NMNAT3: variants seen among roughly 807,000 people sequenced by gnomAD.
The protein encoded by NMNAT3 is nicotinamide/nicotinic acid mononucleotide adenylyltransferase 3.
In NMNAT3, 21 loss-of-function variants were observed where a neutral mutation model predicts 24.8. The ratio of observed to expected loss-of-function variants is 0.85; its 90% CI spans 0.60 to 1.22. NMNAT3 has a LOEUF of 1.22. Among genes scored for constraint, NMNAT3 ranks in the 50% most tolerant of loss-of-function variants. The pLI, the probability that NMNAT3 is intolerant of heterozygous loss-of-function variation, is 0.00. For missense variants in NMNAT3, 387 were observed against 436.6 expected (o/e 0.89, Z 1.01); for synonymous variants, 136 against 155.2 (o/e 0.88, Z 0.92).
At chr3:139,675,859 GAGA>G (rs2057912824) in intron 1 of NMNAT3, among the ~76,000 whole-genome samples, 2 of 152,288 alleles carry the variant, frequency 1.3e-5, no homozygotes, top group South Asian at 2.1e-4. Context: ...GTTCATTCAG[GAGA>G]AGGAGAGGGT....
At chr3:139,574,799 A>G (rs1398181208) in intron 5 of NMNAT3, among the ~76,000 whole-genome samples, 4 of 152,204 alleles carry the variant, frequency 2.6e-5, no homozygotes, top group African/African-American at 9.7e-5. Context: ...AAGATCATGA[A>G]TGAAAAATTG....
intron 5 of NMNAT3, among the ~76,000 whole-genome samples, 188 bp from the exon 6 acceptor site, chr3:139,573,868 A>T (rs1011624761): frequency 6.6e-6 from 1 of 152,192 alleles, no homozygotes; most frequent in Non-Finnish European, 1.5e-5. Flanking sequence ...GTGGGTCTTC[A>T]TGGAGAGTCC....
In NMNAT3 at chr3:139,591,712, G is replaced by C. The variant is rs1165992845; in HGVS notation, c.110-8504C>G. On this transcript the variant is annotated intron_variant, in intron 3 of 6. Transcript: ENST00000643695. ...AGGCACCCCCCAGCAGGGGCAGACT[G>C]ACACCTCACAAGGCCGGGTACTCCA... Among the ~76,000 whole-genome samples the C allele has an allele frequency of 1.5e-4, 23 of 152,340 alleles. No individual in the cohort carries two copies. In the East Asian group the frequency reaches 3.7e-3, roughly 24 times the overall value.
chr3:139,660,109 C>T (rs2057367698), intron 1 of NMNAT3, among the ~76,000 whole-genome samples: 1 of 152,194 alleles, frequency 6.6e-6, no homozygotes, highest in Non-Finnish European at 1.5e-5. Flanking sequence ...CCACTCCAGC[C>T]AGTGTCAACT....
chr3:139,666,790 T>C (rs2108443729), intron 1 of NMNAT3, among the ~76,000 whole-genome samples: 1 of 152,302 alleles, frequency 6.6e-6, no homozygotes, highest in East Asian at 1.9e-4. Flanking sequence ...TACTCAACCT[T>C]CATGAGATCA....
intron 3 of NMNAT3, among the ~76,000 whole-genome samples, chr3:139,614,654 TG>T (rs1417183268): frequency 2.0e-5 from 3 of 152,254 alleles, no homozygotes; most frequent in Non-Finnish European, 4.4e-5. Context: ...GCACAGAAGT[TG>T]GGGTGGACCC....
rs143939857 is a variant in NMNAT3, at chr3:139,647,846, T to C, written c.-140-9784A>G. The stretch of plus-strand genomic sequence containing the variant: ...AAAATAAATTTCCTTTGTTTTAAAC[T>C]ACCAAGTTTATGGTAATTTGTTACA... On this transcript the variant is annotated intron_variant, in intron 1 of 6. Transcript: ENST00000643695. 2.0e-3 allele frequency among the ~76,000 whole-genome samples: 304 copies of C among 151,644 alleles called. 2 individuals carry two copies. The highest frequency in any genetic ancestry group is 6.7e-3 in the African/African-American group (278 of 41,578).
intron 3 of NMNAT3, among the ~76,000 whole-genome samples, chr3:139,614,690 T>C (rs1456713069): frequency 6.6e-6 from 1 of 152,228 alleles, no homozygotes; most frequent in African/African-American, 2.4e-5. Context: ...TATCACAACA[T>C]ACATGAGGTC....
intron 1 of NMNAT3, among the ~76,000 whole-genome samples, chr3:139,667,423 G>A (rs775876543): frequency 1.1e-4 from 16 of 151,972 alleles, no homozygotes; most frequent in African/African-American, 1.7e-4. Context: ...AATGTCCTTC[G>A]GATCATTTGC....
At chr3:139,672,820 C>T (rs2057802310) in intron 1 of NMNAT3, 1 of 152,210 alleles carries the variant, frequency 6.6e-6, no homozygotes. Context: ...TGGATCACAT[C>T]TTATTTTGAA....
At chr3:139,665,875 C>T (rs958500840) in intron 1 of NMNAT3, among the ~76,000 whole-genome samples, 2 of 151,692 alleles carry the variant, frequency 1.3e-5, no homozygotes, top group South Asian at 4.2e-4. Context: ...ATCAAAATAT[C>T]TATAAACTCT....
intron 1 of NMNAT3, among the ~76,000 whole-genome samples, chr3:139,668,141 T>G (rs891558581): frequency 1.3e-5 from 2 of 151,972 alleles, no homozygotes; most frequent in Non-Finnish European, 2.9e-5. Flanking sequence ...AGGGAGCAGG[T>G]AGAGAAGTCA....
At position 139,561,006 on chromosome 3, in the gene NMNAT3, C is replaced by CT; in HGVS notation, c.*3dup. The CT allele has an allele frequency of 6.2e-7, 1 of 1,606,874 alleles. No individual in the cohort carries two copies. The highest frequency in any genetic ancestry group is 8.5e-7 in the Non-Finnish European group (1 of 1,175,464). On this transcript the variant is annotated 3_prime_UTR_variant, in exon 7 of 7. Transcript: ENST00000643695. ...AGGAGGTGTGGGTGCTGAGTCCCCC[C>CT]TCCCTAGCTTGTCTTGCCCTCAGTG...
chr3:139,652,497 C>A (rs546679484), intron 1 of NMNAT3, among the ~76,000 whole-genome samples: 1 of 152,106 alleles, frequency 6.6e-6, no homozygotes, highest in East Asian at 1.9e-4. Context: ...AGATTCGACC[C>A]CACCCTGCCA....
At chr3:139,572,335 G>A (rs897765520) in intron 6 of NMNAT3, 10 of 396,820 alleles carry the variant, frequency 2.5e-5, no homozygotes, top group East Asian at 1.8e-4. Context: ...TGCAGGTAAC[G>A]GAGAGGACAG....
At chr3:139,571,351 C>G (rs936925114) in intron 6 of NMNAT3, 2 of 152,226 alleles carry the variant, frequency 1.3e-5, no homozygotes, top group Non-Finnish European at 2.9e-5. Flanking sequence ...GCTGCTTCCA[C>G]TGTCCTGCAC....
intron 1 of NMNAT3, among the ~76,000 whole-genome samples, chr3:139,658,158 G>T (rs907768594): frequency 6.6e-6 from 1 of 152,042 alleles, no homozygotes; most frequent in Admixed American, 6.6e-5. Flanking sequence ...GTATTTGCAG[G>T]CCACATCTAA....
chr3:139,635,649 G>A (rs1010202302), intron 2 of NMNAT3: 4 of 152,170 alleles, frequency 2.6e-5, no homozygotes, highest in African/African-American at 9.7e-5. Context: ...CGGAGATAGA[G>A]GAGTAAATAA....
chr3:139,636,242 A>G (rs1193236706), intron 2 of NMNAT3: 1 of 152,222 alleles, frequency 6.6e-6, no homozygotes. Flanking sequence ...AAAGTATGTA[A>G]ACTTTTAGAA....
Sources: gnomAD v4.1 joint callset for allele counts (sites outside exome capture counted in the v4.1 genomes callset) on GRCh38, gnomAD v4.1.1 for gene constraint, MANE v1.5 for transcripts, NCBI Gene and HGNC (gene_info 2026-07-23, HGNC 2026-07-21) for gene names.